Variants in PRKD1 observed in about 807,000 individuals in gnomAD.
PRKD1 encodes protein kinase D1, also known as serine/threonine-protein kinase D1.
In PRKD1, 63 loss-of-function variants were observed where a neutral mutation model predicts 95.9. The observed-to-expected ratio is 0.66, with a 90% CI of 0.54 to 0.81. The LOEUF is 0.81. Among genes scored for constraint, PRKD1 ranks in the 30% least tolerant of loss-of-function variants. The pLI is 0.00. For synonymous variants in PRKD1, 425 were observed against 423.1 expected (o/e 1.00, Z -0.05); for missense variants, 1,048 against 1,165.3 (o/e 0.90, Z 1.47).
intron 1 of PRKD1, among the ~76,000 whole-genome samples, chr14:29,735,170 C>T (rs1886654431): frequency 6.6e-6 from 1 of 151,984 alleles, no homozygotes; most frequent in African/African-American, 2.4e-5. Context: ...CTATTTAATT[C>T]TATGTAAACT....
chr14:29,596,967 C>T (rs1352072936), intron 16 of PRKD1, among the ~76,000 whole-genome samples: 2 of 152,166 alleles, frequency 1.3e-5, no homozygotes, highest in Non-Finnish European at 2.9e-5. Context: ...AGGAATGATA[C>T]ATCAGGATGT....
chr14:29,927,139 G>T, intron 1 of PRKD1, 110 bp downstream of exon 1: 1 of 1,179,230 alleles, frequency 8.5e-7, no homozygotes, highest in Non-Finnish European at 1.1e-6. Context: ...CGGCGAGGCT[G>T]GCGGCCAGCC....
intron 1 of PRKD1, among the ~76,000 whole-genome samples, chr14:29,760,718 C>T (rs1887939483): frequency 6.6e-6 from 1 of 152,136 alleles, no homozygotes; most frequent in South Asian, 2.1e-4. Flanking sequence ...ATTACTACAC[C>T]TAGTAGCTCC....
chr14:29,741,275 A>G (rs1402434745), intron 1 of PRKD1, among the ~76,000 whole-genome samples: 1 of 152,216 alleles, frequency 6.6e-6, no homozygotes, highest in Non-Finnish European at 1.5e-5. Flanking sequence ...AAATTAAAAA[A>G]TAAATAAAGT....
At chr14:29,597,421 A>C in intron 16 of PRKD1, 70 bp downstream of exon 16, 1 of 1,360,940 alleles carries the variant, frequency 7.3e-7, no homozygotes, top group Non-Finnish European at 9.8e-7. Flanking sequence ...TTTACAATTA[A>C]ATTAATTTAA....
In PRKD1 at chr14:29,927,627, A is replaced by G. The variant is rs1895358847; in HGVS notation, c.-115T>C. ...CTTTCTCCGAGAGCCCAGACGGAAA[A>G]TAAAAACTTTCCGGAAAAGTCCCTG... On this transcript the variant is annotated 5_prime_UTR_variant, in exon 1 of 18. Transcript: ENST00000331968. 2.3e-6 allele frequency: 2 copies of G among 883,634 alleles called. No individual in the cohort carries two copies. Among genetic ancestry groups the G allele is most frequent in the Non-Finnish European group, 2.8e-6 (2 of 719,512 alleles). 54.7% of individuals were successfully genotyped at this position (883,634 alleles called of 1,614,324 possible).
chr14:29,896,888 G>C (rs1471764175), intron 1 of PRKD1, among the ~76,000 whole-genome samples: 4 of 151,988 alleles, frequency 2.6e-5, no homozygotes, highest in Non-Finnish European at 5.9e-5. Context: ...CAAAGTATGA[G>C]TGACAATGAG....
intron 1 of PRKD1, among the ~76,000 whole-genome samples, chr14:29,839,543 C>T (rs1891747800): frequency 6.6e-6 from 1 of 152,122 alleles, no homozygotes; most frequent in Non-Finnish European, 1.5e-5. Flanking sequence ...CGGTGGCCCT[C>T]TTCTCACAGC....
intron 16 of PRKD1, among the ~76,000 whole-genome samples, chr14:29,588,743 T>C (rs1056905826): frequency 7.9e-5 from 12 of 151,714 alleles, no homozygotes; most frequent in Non-Finnish European, 1.8e-4. Context: ...AATTATCAGA[T>C]TGTGATGCAC....
intron 13 of PRKD1, among the ~76,000 whole-genome samples, chr14:29,611,635 A>G (rs1223622063): frequency 6.6e-6 from 1 of 152,120 alleles, no homozygotes; most frequent in South Asian, 2.1e-4. Context: ...ATACATTTCT[A>G]AAAAATCAGT....
intron 1 of PRKD1, among the ~76,000 whole-genome samples, chr14:29,768,095 T>C (rs779622686): frequency 5.9e-5 from 9 of 152,208 alleles, no homozygotes; most frequent in Non-Finnish European, 1.2e-4. Flanking sequence ...GATGGAACCT[T>C]GCTTGCAACA....
At chr14:29,744,627 G>C (rs1323434954) in intron 1 of PRKD1, among the ~76,000 whole-genome samples, 1 of 152,018 alleles carries the variant, frequency 6.6e-6, no homozygotes, top group Non-Finnish European at 1.5e-5. Flanking sequence ...GCTCACTGTA[G>C]CCTCTACCTC....
Position 29,792,198 on chromosome 14 carries a change from CTT to C in PRKD1, c.265-66526_265-66525del, listed in dbSNP as rs200225135. Among the ~76,000 whole-genome samples the C allele has an allele frequency of 4.4e-3, 671 of 152,158 alleles. 2 individuals carry two copies. The highest frequency in any genetic ancestry group is 7.7e-3 in the Non-Finnish European group (523 of 67,960). On this transcript the variant is annotated intron_variant, in intron 1 of 17. Transcript: ENST00000331968. Reference sequence around the variant, plus strand: ...CGTGTTCTAATATAAAAATATGAAACTTAAAGTCAAAATTATTATGTTAGCTA... The same window carrying C: ...CGTGTTCTAATATAAAAATATGAAACAAAGTCAAAATTATTATGTTAGCTA...
rs45524345 is a variant in PRKD1 at position 29,625,524 on chromosome 14, C to G, written c.1798+960G>C. On this transcript the variant is annotated intron_variant, in intron 12 of 17. Coordinates refer to ENST00000331968, the MANE Select transcript of PRKD1 (RefSeq NM_002742.3). ...TACGATGTGCATTATGTATATTTAC[C>G]ATGATCTATCTACCATAATTTTTTT... 8.9e-3 allele frequency among the ~76,000 whole-genome samples: 1,348 copies of G among 152,220 alleles called. 18 individuals carry two copies. The highest frequency in any genetic ancestry group is 0.031 in the African/African-American group (1,275 of 41,544).
chr14:29,925,186 C>T (rs1895254209), intron 1 of PRKD1, among the ~76,000 whole-genome samples: 1 of 152,030 alleles, frequency 6.6e-6, no homozygotes, highest in Non-Finnish European at 1.5e-5. Context: ...ATAAATCAGT[C>T]ACCAATCAGG....
chr14:29,688,948 C>CAAAAAAAAAAA (rs377212196), intron 2 of PRKD1, among the ~76,000 whole-genome samples: 2 of 32,486 alleles, frequency 6.2e-5, no homozygotes, highest in African/African-American at 1.9e-4. Context: ...GACTCCGTCT[C>CAAAAAAAAAAA]AAAAAAAAAA....
At chr14:29,752,108 T>C (rs1018168340) in intron 1 of PRKD1, among the ~76,000 whole-genome samples, 8 of 152,180 alleles carry the variant, frequency 5.3e-5, no homozygotes, top group African/African-American at 1.9e-4. Flanking sequence ...CTTGCAATCA[T>C]AGGTTACCTA....
chr14:29,734,284 C>T (rs543385422), intron 1 of PRKD1, among the ~76,000 whole-genome samples: 2 of 152,044 alleles, frequency 1.3e-5, no homozygotes, highest in Non-Finnish European at 2.9e-5. Context: ...TCATGATCCA[C>T]CCGCCTTGGC....
At chr14:29,595,303 C>T (rs1019751005) in intron 16 of PRKD1, among the ~76,000 whole-genome samples, 1 of 152,196 alleles carries the variant, frequency 6.6e-6, no homozygotes, top group Non-Finnish European at 1.5e-5. Context: ...GGCCTAAATT[C>T]TATCTCCTCT....
Sources: gnomAD v4.1 joint callset for allele counts (sites outside exome capture counted in the v4.1 genomes callset) on GRCh38, gnomAD v4.1.1 for gene constraint, MANE v1.5 for transcripts, NCBI Gene and HGNC (gene_info 2026-07-23, HGNC 2026-07-21) for gene names.